The following DDX60 variants were observed in gnomAD, a reference collection of about 807,000 sequenced individuals.
The protein encoded by DDX60 is probable ATP-dependent RNA helicase DDX60.
A neutral mutation model predicts 212.8 loss-of-function variants in DDX60; 165 were observed. The observed-to-expected ratio is 0.78, with a 90% CI of 0.68 to 0.88. The LOEUF is 0.88. DDX60 is among the 40% of genes least tolerant of loss of function. The pLI is 0.00. For missense variants in DDX60, 1,905 were observed against 2,003.9 expected (o/e 0.95, Z 0.94); for synonymous variants, 703 against 685.3 (o/e 1.03, Z -0.40).
At chr4:168,236,010 G>C (rs1211967865) in intron 33 of DDX60, 1 of 384,878 alleles carries the variant, frequency 2.6e-6, no homozygotes, top group African/African-American at 2.1e-5. Context: ...ACAATCAAAT[G>C]AAAAACATGA....
chr4:168,281,135 G>A (rs1259771255), intron 13 of DDX60, among the ~76,000 whole-genome samples: 2 of 152,116 alleles, frequency 1.3e-5, no homozygotes, highest in African/African-American at 4.8e-5. Flanking sequence ...GCAGGACTCT[G>A]TCTCAGAAAA....
intron 26 of DDX60, 119 bp from the exon 27 acceptor site, chr4:168,252,775 T>C: frequency 1.6e-6 from 1 of 630,580 alleles, no homozygotes; most frequent in Non-Finnish European, 2.6e-6. Context: ...CACCCAGACT[T>C]CCACGGCTGT....
chr4:168,228,662 T>A (rs1243660727), intron 33 of DDX60, among the ~76,000 whole-genome samples: 1 of 152,118 alleles, frequency 6.6e-6, no homozygotes, highest in African/African-American at 2.4e-5. Context: ...CAGTTCTATG[T>A]ATTATTTCAA....
chr4:168,308,207 AAC>A lies in DDX60; in HGVS notation c.75-14_75-13del, dbSNP rs1235538944. On this transcript the variant is annotated splice_polypyrimidine_tract_variant and intron_variant, in intron 3 of 37. Transcript: ENST00000393743. Reference sequence around the variant, plus strand: ...ATAAACTGGAATATCTAAAATGAAAAACAGTTAAAACAAAAATCACATATGCA... The same window carrying A: ...ATAAACTGGAATATCTAAAATGAAAAAGTTAAAACAAAAATCACATATGCA... The A allele has an allele frequency of 2.1e-6, 3 of 1,462,004 alleles. No individual in the cohort carries two copies. The highest frequency in any genetic ancestry group is 2.8e-6 in the Non-Finnish European group (3 of 1,067,566). The allele number at this position is 1,462,004 out of a possible 1,614,324, so 90.6% of individuals were successfully genotyped here.
chr4:168,256,924 A>C (rs1734434485), intron 25 of DDX60, among the ~76,000 whole-genome samples: 1 of 152,276 alleles, frequency 6.6e-6, no homozygotes, highest in African/African-American at 2.4e-5. Flanking sequence ...AACAGTAAAT[A>C]AACTGGCACA....
chr4:168,257,307 G>C (rs609894), intron 25 of DDX60, among the ~76,000 whole-genome samples: 65,457 of 151,444 alleles, frequency 0.43, 15,133 homozygotes, highest in African/African-American at 0.61. Context: ...AAACTCCATC[G>C]CCCTTCAAAA....
intron 4 of DDX60, among the ~76,000 whole-genome samples, chr4:168,307,070 T>A (rs1345114843): frequency 6.6e-6 from 1 of 152,168 alleles, no homozygotes; most frequent in Non-Finnish European, 1.5e-5. Flanking sequence ...AAAGCTGAGG[T>A]GAACCATTGT....
Position 168,216,755 on chromosome 4 carries a change from G to A in DDX60, c.*178C>T, listed in dbSNP as rs1451766006. On this transcript the variant is annotated 3_prime_UTR_variant, in exon 38 of 38. Transcript: ENST00000393743. Reference sequence around the variant, plus strand: ...AAATAATTTGTGAGTATTCATGACAGAACATGGCAGGTTTGATTGCAACTC... The same window carrying A: ...AAATAATTTGTGAGTATTCATGACAAAACATGGCAGGTTTGATTGCAACTC... 4 of 498,904 alleles carry A rather than the reference G, an allele frequency of 8.0e-6. No homozygotes were observed. The highest frequency in any genetic ancestry group is 1.4e-5 in the Non-Finnish European group (4 of 287,408). The allele number at this position is 498,904 out of a possible 1,614,324, so 30.9% of individuals were successfully genotyped here.
chr4:168,296,793 T>C (rs888341050), intron 6 of DDX60, among the ~76,000 whole-genome samples: 3 of 151,844 alleles, frequency 2.0e-5, no homozygotes, highest in Admixed American at 1.3e-4. Context: ...ATATCAGCAA[T>C]TATAAAGCAG....
At chr4:168,218,583 T>G (rs1183186746) in intron 37 of DDX60, among the ~76,000 whole-genome samples, 1 of 152,158 alleles carries the variant, frequency 6.6e-6, no homozygotes, top group Admixed American at 6.6e-5. Context: ...GCTTATGCAC[T>G]GTCTACACGT....
chr4:168,245,352 G>A (rs75442636), intron 30 of DDX60, among the ~76,000 whole-genome samples: 2,344 of 152,236 alleles, frequency 0.015, 58 homozygotes, highest in African/African-American at 0.052. Context: ...AACAATCTTA[G>A]TTTGATTTGA....
At position 168,306,614 on chromosome 4, in the gene DDX60, G is replaced by T; in HGVS notation, c.371C>A (p.Ser124Ter). The change falls in exon 5 of 38, where the codon TCG becomes TAG. Residue 124 changes from serine to a stop codon, truncating the protein, a stop_gained. Transcript: ENST00000393743. LOFTEE classifies it high-confidence loss of function. ...NTTIDVRTTFSRCLSKEWGSF... is the reference protein window; with the variant it reads ...NTTIDVRTTF ...TCCCCACTCTTTTGATAAGCATCTC[G>T]AAAATGTTGTTCGAACATCAATGGT... 1.9e-6 allele frequency: 3 copies of T among 1,614,072 alleles called. No homozygotes were observed. Among genetic ancestry groups the T allele is most frequent in the Non-Finnish European group, 2.5e-6 (3 of 1,179,958 alleles).
chr4:168,251,651 C>T (rs1187211066), intron 27 of DDX60, among the ~76,000 whole-genome samples: 1 of 151,986 alleles, frequency 6.6e-6, no homozygotes, highest in African/African-American at 2.4e-5. Flanking sequence ...AAGCAAAAGG[C>T]TGGTTAGTGG....
upstream of DDX60, chr4:168,318,758 G>A (rs1401898013): frequency 6.6e-6 from 1 of 152,276 alleles, no homozygotes; most frequent in African/African-American, 2.4e-5. Flanking sequence ...TCGGCGCTCT[G>A]AGCCACCGCA....
At chr4:168,286,554 C>T (rs1460705628) in intron 10 of DDX60, among the ~76,000 whole-genome samples, 1 of 151,922 alleles carries the variant, frequency 6.6e-6, no homozygotes, top group Non-Finnish European at 1.5e-5. Flanking sequence ...ATTGCTCTGC[C>T]TGGGATCCTC....
chr4:168,273,178 T>C, intron 18 of DDX60, 101 bp downstream of exon 18: 1 of 1,190,034 alleles, frequency 8.4e-7, no homozygotes, highest in Non-Finnish European at 1.2e-6. Context: ...TCAAATAAAT[T>C]ATTTTCACAA....
At chr4:168,261,945 A>G in intron 24 of DDX60, 55 bp downstream of exon 24, 2 of 1,556,696 alleles carry the variant, frequency 1.3e-6, no homozygotes. Context: ...ACTGAATGAT[A>G]TAACTCAAGA....
chr4:168,239,403 T>TAGATAGAC (rs1004290029), intron 30 of DDX60, among the ~76,000 whole-genome samples: 2 of 147,700 alleles, frequency 1.4e-5, no homozygotes, highest in Non-Finnish European at 3.0e-5. Flanking sequence ...GATAGATAGA[T>TAGATAGAC]AGATAGATAG....
chr4:168,297,348 A>G (rs1421852991), intron 6 of DDX60, among the ~76,000 whole-genome samples: 1 of 102,484 alleles, frequency 9.8e-6, no homozygotes, highest in Non-Finnish European at 1.9e-5. Context: ...GAAAGAAAGA[A>G]AGAAAGAAAG....
Sources: allele counts gnomAD v4.1 joint callset (sites outside exome capture counted in the v4.1 genomes callset), GRCh38; gene constraint gnomAD v4.1.1; transcripts MANE v1.5; gene names NCBI Gene and HGNC (gene_info 2026-07-23, HGNC 2026-07-21).